PLCG2: variants seen among roughly 807,000 people sequenced by gnomAD.
PLCG2 encodes the protein 1-phosphatidylinositol 4,5-bisphosphate phosphodiesterase gamma-2.
In PLCG2, 69 loss-of-function variants were observed where a neutral mutation model predicts 175.6. The observed-to-expected ratio is 0.39, with a 90% CI of 0.32 to 0.48. PLCG2 has a LOEUF of 0.48. Among genes scored for constraint, PLCG2 ranks in the 20% least tolerant of loss-of-function variants. PLCG2 has a pLI of 0.91. For missense variants in PLCG2, 1,798 were observed against 1,650.9 expected (o/e 1.09, Z -1.54); for synonymous variants, 827 against 624.0 (o/e 1.33, Z -4.85).
At chr16:81,804,562 G>T (rs549142361) in intron 2 of PLCG2, among the ~76,000 whole-genome samples, 2 of 152,234 alleles carry the variant, frequency 1.3e-5, no homozygotes, top group East Asian at 1.9e-4. Flanking sequence ...TTTTTTTGTG[G>T]CACAAAAGGA....
intron 2 of PLCG2, among the ~76,000 whole-genome samples, chr16:81,810,804 C>G (rs1303806748): frequency 6.6e-6 from 1 of 152,176 alleles, no homozygotes; most frequent in African/African-American, 2.4e-5. Flanking sequence ...TAGAAGGAGA[C>G]AGGGTCTTTA....
At position 81,850,791 on chromosome 16, in the gene PLCG2, C is replaced by T. The variant is rs370338719; in HGVS notation, c.194-3653C>T. Reference sequence around the variant, plus strand: ...TCTCATTAGCGTGTTAAATCCCCACCCCTAGGCATGATGTTTAGTATTATA... The same window carrying T: ...TCTCATTAGCGTGTTAAATCCCCACTCCTAGGCATGATGTTTAGTATTATA... On this transcript the variant is annotated intron_variant, in intron 2 of 32. Transcript: ENST00000564138. Among the ~76,000 whole-genome samples, 276 of 152,262 alleles carry T rather than the reference C, an allele frequency of 1.8e-3. 1 individual carries two copies. The highest frequency in any genetic ancestry group is 6.2e-3 in the African/African-American group (256 of 41,542).
At chr16:81,884,966 C>T (rs1027584942) in intron 9 of PLCG2, among the ~76,000 whole-genome samples, 6 of 152,092 alleles carry the variant, frequency 3.9e-5, no homozygotes, top group East Asian at 1.9e-4. Flanking sequence ...CAGCTCACTG[C>T]AGCCTCGACC....
chr16:81,945,381 T>TATCA (rs1386076549), intron 30 of PLCG2, among the ~76,000 whole-genome samples: 1 of 152,258 alleles, frequency 6.6e-6, no homozygotes, highest in African/African-American at 2.4e-5. Context: ...GGTAAGGCAC[T>TATCA]ATCATTTGTG....
At chr16:81,952,861 G>C (rs1316148504) in intron 31 of PLCG2, among the ~76,000 whole-genome samples, 1 of 152,192 alleles carries the variant, frequency 6.6e-6, no homozygotes, top group Non-Finnish European at 1.5e-5. Flanking sequence ...TGTCCCAAAA[G>C]TGTCTTCCGC....
intron 19 of PLCG2, among the ~76,000 whole-genome samples, chr16:81,916,074 T>C (rs974928566): frequency 6.6e-6 from 1 of 152,200 alleles, no homozygotes; most frequent in Non-Finnish European, 1.5e-5. Context: ...ATTCTATTTT[T>C]AGAAAATACA....
At chr16:81,937,728 C>T (rs367855637) in intron 27 of PLCG2, 30 bp from the exon 28 acceptor site, 263 of 1,606,896 alleles carry the variant, frequency 1.6e-4, no homozygotes, top group Non-Finnish European at 2.1e-4. Flanking sequence ...TCATGCCTGA[C>T]TTACAGCAGG....
chr16:81,827,190 G>GT (rs368220809), intron 2 of PLCG2, among the ~76,000 whole-genome samples: 51,478 of 143,948 alleles, frequency 0.36, 10,251 homozygotes, highest in East Asian at 0.62. Context: ...GGATTGCTGG[G>GT]TTTTTTTTTT....
intron 2 of PLCG2, among the ~76,000 whole-genome samples, chr16:81,825,574 C>T (rs551626671): frequency 3.9e-5 from 6 of 152,156 alleles, no homozygotes; most frequent in East Asian, 1.9e-4. Flanking sequence ...GGATTATAGG[C>T]GTGAGCCACC....
At chr16:81,803,635 C>T (rs950763186) in intron 2 of PLCG2, among the ~76,000 whole-genome samples, 2 of 11,968 alleles carry the variant, frequency 1.7e-4, no homozygotes, top group African/African-American at 5.4e-4. Context: ...TTTTCTTCTT[C>T]CCTCCCTCCC....
intron 6 of PLCG2, among the ~76,000 whole-genome samples, chr16:81,870,568 T>G (rs1222800946): frequency 6.6e-6 from 1 of 152,180 alleles, no homozygotes; most frequent in Non-Finnish European, 1.5e-5. Context: ...GGTGTCTCTG[T>G]GAGTATGTTT....
At chr16:81,785,003 G>C (rs923765207) in intron 1 of PLCG2, among the ~76,000 whole-genome samples, 1 of 152,168 alleles carries the variant, frequency 6.6e-6, no homozygotes, top group Admixed American at 6.5e-5. Context: ...TGTTCTAAAA[G>C]GATCCTTCTG....
At chr16:81,923,681 G>A (rs1910146198) in intron 22 of PLCG2, 87 bp downstream of exon 22, 2 of 763,650 alleles carry the variant, frequency 2.6e-6, no homozygotes, top group African/African-American at 3.5e-5. Context: ...GGCCAAGTCT[G>A]ACCCCCTTTG....
At chr16:81,763,879 G>A (rs1295811647) in intron 2 of PLCG2, among the ~76,000 whole-genome samples, 3 of 152,010 alleles carry the variant, frequency 2.0e-5, no homozygotes, top group Non-Finnish European at 2.9e-5. Flanking sequence ...AGGCATGAGA[G>A]TCGCTTGAAC....
chr16:81,779,639 A>T (rs1487957072), intron 1 of PLCG2, among the ~76,000 whole-genome samples: 4 of 150,898 alleles, frequency 2.7e-5, no homozygotes, highest in African/African-American at 7.3e-5. Context: ...CCACTTCCTC[A>T]CCCCGGGCCG....
intron 5 of PLCG2, among the ~76,000 whole-genome samples, chr16:81,868,348 A>T (rs1478676422): frequency 6.6e-6 from 1 of 151,010 alleles, no homozygotes; most frequent in Non-Finnish European, 1.5e-5. Flanking sequence ...TCTGAACCCC[A>T]GTGGCATTAA....
At chr16:81,901,693 G>A (rs568294490) in intron 14 of PLCG2, among the ~76,000 whole-genome samples, 1 of 152,322 alleles carries the variant, frequency 6.6e-6, no homozygotes, top group African/African-American at 2.4e-5. Context: ...ACCAGCAGAA[G>A]TCATGAGTGT....
At chr16:81,942,718 C>G (rs997685334) in intron 30 of PLCG2, among the ~76,000 whole-genome samples, 3 of 152,122 alleles carry the variant, frequency 2.0e-5, no homozygotes, top group African/African-American at 4.8e-5. Context: ...ACTTAACTTG[C>G]TCAAGGTCAC....
chr16:81,809,786 C>T (rs1050014147), intron 2 of PLCG2, among the ~76,000 whole-genome samples: 1 of 137,424 alleles, frequency 7.3e-6, no homozygotes, highest in South Asian at 2.2e-4. Flanking sequence ...GTCTGATGTC[C>T]CAGTTATTGC....
Sources: allele counts gnomAD v4.1 joint callset (sites outside exome capture counted in the v4.1 genomes callset), GRCh38; gene constraint gnomAD v4.1.1; transcripts MANE v1.5; gene names NCBI Gene and HGNC (gene_info 2026-07-23, HGNC 2026-07-21).